GPX3: variants seen among roughly 807,000 people sequenced by gnomAD.
GPX3 encodes the protein glutathione peroxidase 3, also known as GPx-3.
In GPX3, 22 loss-of-function variants were observed where a neutral mutation model predicts 25.1. The ratio of observed to expected loss-of-function variants is 0.88; its 90% CI spans 0.63 to 1.25. The LOEUF is 1.25. Among genes scored for constraint, GPX3 ranks in the 50% most tolerant of loss-of-function variants. GPX3 has a pLI of 0.00. For synonymous variants in GPX3, 110 were observed against 114.5 expected, an observed-to-expected ratio of 0.96 and a Z score of 0.25; for missense variants, 278 against 286.6, an observed-to-expected ratio of 0.97 and a Z score of 0.22.
chr5:151,025,790 G>A (rs1756539026), intron 2 of GPX3, among the ~76,000 whole-genome samples: 2 of 152,184 alleles, frequency 1.3e-5, no homozygotes. Context: ...CCTTTGGCTG[G>A]AGCATGAGAT....
chr5:151,023,683 A>C (rs1009567135), intron 1 of GPX3, among the ~76,000 whole-genome samples: 3 of 152,048 alleles, frequency 2.0e-5, no homozygotes. Context: ...GTGGCGGTCT[A>C]GGGTGTATTT....
At chr5:151,026,325 G>A (rs918194236) in intron 2 of GPX3, 1 of 152,358 alleles carries the variant, frequency 6.6e-6, no homozygotes, top group Non-Finnish European at 1.5e-5. Flanking sequence ...AAGGACGGCG[G>A]TCACGTGGCC....
intron 4 of GPX3, 80 bp from the exon 5 acceptor site, chr5:151,027,829 C>A: frequency 8.4e-7 from 1 of 1,184,236 alleles, no homozygotes; most frequent in Non-Finnish European, 1.3e-6. Flanking sequence ...CAGGGCCAGG[C>A]TATTCCCCAG....
chr5:151,025,051 G>A (rs1756526817), intron 1 of GPX3, among the ~76,000 whole-genome samples: 1 of 152,200 alleles, frequency 6.6e-6, no homozygotes, highest in Non-Finnish European at 1.5e-5. Context: ...GGGTTCCATA[G>A]CACTCACTTA....
At chr5:151,023,293 C>T (rs1194479848) in intron 1 of GPX3, among the ~76,000 whole-genome samples, 2 of 152,168 alleles carry the variant, frequency 1.3e-5, no homozygotes, top group African/African-American at 4.8e-5. Flanking sequence ...CATGGGCCAC[C>T]TTCTGACCCC....
At position 151,026,597 on chromosome 5, in the gene GPX3, T is replaced by C. The variant is rs1756552213; in HGVS notation, c.242-303T>C. The stretch of plus-strand genomic sequence containing the variant: ...CTCCAGAAAACTCAATCCTGAGGGT[T>C]CTGAATGAGTGCTCTAGCTGGCCCA... On this transcript the variant is annotated intron_variant, in intron 2 of 4. Coordinates refer to ENST00000388825, the MANE Select transcript of GPX3 (RefSeq NM_002084.5). 3 of 305,634 alleles carry C rather than the reference T, an allele frequency of 9.8e-6. No homozygotes were observed. The South Asian group carries it at 3.2e-4, about 32-fold the overall frequency. 18.9% of individuals were successfully genotyped at this position (305,634 alleles called of 1,614,324 possible). A position where few individuals can be genotyped will look rare whatever the true frequency, so the allele number is the denominator to read the frequency against.
intron 1 of GPX3, among the ~76,000 whole-genome samples, chr5:151,024,304 T>A (rs533395232): frequency 7.9e-5 from 12 of 152,238 alleles, no homozygotes; most frequent in Non-Finnish European, 1.6e-4. Context: ...TCAAGAATAG[T>A]CTCAGAATTT....
In GPX3 at chr5:151,022,296, C is replaced by A. The variant is rs78214681; in HGVS notation, c.87+1555C>A. ...AGGCTAGTGGGGAGAACGTGGACTCCATGAATAACTCATCATAGCTGTGTC... is the reference window on the plus strand; with the variant it reads ...AGGCTAGTGGGGAGAACGTGGACTCAATGAATAACTCATCATAGCTGTGTC... On this transcript the variant is annotated intron_variant, in intron 1 of 4. Transcript: ENST00000388825. Among the ~76,000 whole-genome samples the A allele has an allele frequency of 1.4e-4, 22 of 152,268 alleles. No individual in the cohort carries two copies. The East Asian group carries it at 4.2e-3, about 29-fold the overall frequency.
In GPX3 at chr5:151,027,863, CA is replaced by C. The variant is rs1581699695; in HGVS notation, c.460-45del. 4 of 1,493,624 alleles carry C rather than the reference CA, an allele frequency of 2.7e-6. No individual in the cohort carries two copies. The East Asian group carries it at 9.0e-5, about 34-fold the overall frequency. 92.5% of individuals were successfully genotyped at this position (1,493,624 alleles called of 1,614,324 possible). On this transcript the variant is annotated intron_variant, in intron 4 of 4. Transcript: ENST00000388825. ...AGGAAGGCCTGGGAAGGAAGAGGGT[CA>C]GGGGGCCTCAAGCAAGGTTGACACT...
intron 3 of GPX3, 31 bp from the exon 4 acceptor site, chr5:151,027,401 T>A: frequency 6.8e-7 from 1 of 1,473,458 alleles, no homozygotes; most frequent in Non-Finnish European, 9.5e-7. Context: ...GCCCACCTCC[T>A]TGGGACCCAC....
chr5:151,026,969 T>G lies in GPX3; in HGVS notation c.311T>G (p.Phe104Cys), dbSNP rs1756559347. 2 of 1,613,906 alleles carry G rather than the reference T, an allele frequency of 1.2e-6. No individual in the cohort carries two copies. Among genetic ancestry groups the G allele is most frequent in the Non-Finnish European group, 1.7e-6 (2 of 1,179,958 alleles). The change falls in exon 3 of 5, where the codon TTT becomes TGT. Residue 104 changes from phenylalanine (F) to cysteine (C), a missense_variant. Phe to Cys is a radical substitution (Grantham distance 205). Transcript: ENST00000388825. ...ATTCTGGGCTTTCCCTGCAACCAAT[T>G]TGGAAAACAGGAACCAGGAGAGAAC... ...LVILGFPCNQ[F>C]GKQEPGENSE...
chr5:151,022,869 C>T (rs572594336), intron 1 of GPX3, among the ~76,000 whole-genome samples: 1 of 152,220 alleles, frequency 6.6e-6, no homozygotes, highest in East Asian at 1.9e-4. Flanking sequence ...TTAAGACAGC[C>T]CTGAACCTGA....
chr5:151,024,420 T>C (rs1343697545), intron 1 of GPX3, among the ~76,000 whole-genome samples: 1 of 152,228 alleles, frequency 6.6e-6, no homozygotes, highest in Admixed American at 6.5e-5. Context: ...CAAGCCATCA[T>C]GGTTGACCTG....
At chr5:151,027,119 C>T (rs1162488301) in intron 3 of GPX3, 102 bp downstream of exon 3, 4 of 783,360 alleles carry the variant, frequency 5.1e-6, no homozygotes, top group Non-Finnish European at 8.7e-6. Context: ...CCAAGAACTA[C>T]TCTCCTCTTC....
Position 151,028,316 on chromosome 5 carries a change from G to C in GPX3, c.*186G>C, listed in dbSNP as rs772744768. ...AGGCATGTGGGTGTGGGTGCATGTG[G>C]GTGTTTACACACATGCCTACAGGTA... On this transcript the variant is annotated 3_prime_UTR_variant, in exon 5 of 5. Coordinates refer to ENST00000388825, the MANE Select transcript of GPX3 (RefSeq NM_002084.5). 1.5e-4 allele frequency: 91 copies of C among 611,430 alleles called. No individual in the cohort carries two copies. Among genetic ancestry groups the C allele is most frequent in the Non-Finnish European group, 2.4e-4 (82 of 341,654 alleles). 37.9% of individuals were successfully genotyped at this position (611,430 alleles called of 1,614,324 possible). A position where few individuals can be genotyped will look rare whatever the true frequency, so the allele number is the denominator to read the frequency against.
chr5:151,025,314 T>C, intron 1 of GPX3, 26 bp from the exon 2 acceptor site: 1 of 1,523,096 alleles, frequency 6.6e-7, no homozygotes, highest in African/African-American at 1.4e-5. Flanking sequence ...CAGCTCTAAC[T>C]GCTCCTTTTA....
chr5:151,022,948 G>A (rs1756498091), intron 1 of GPX3, among the ~76,000 whole-genome samples: 1 of 152,124 alleles, frequency 6.6e-6, no homozygotes. Context: ...ACACAGCAAA[G>A]CCCAGCACTC....
At position 151,027,346 on chromosome 5, in the gene GPX3, A is replaced by G; in HGVS notation, c.360-86A>G. On this transcript the variant is annotated intron_variant, in intron 3 of 4. Coordinates refer to ENST00000388825, the MANE Select transcript of GPX3 (RefSeq NM_002084.5). ...TGCAGAATAAATCCAGACTCCCAAC[A>G]CCCTCTCCCCTGTTCTGTCCCTTCC... 4 of 850,236 alleles carry G rather than the reference A, an allele frequency of 4.7e-6. No individual in the cohort carries two copies. The South Asian group carries it at 6.1e-5, about 13-fold the overall frequency. The allele number at this position is 850,236 out of a possible 1,614,324, so 52.7% of individuals were successfully genotyped here.
chr5:151,022,131 G>A (rs1244718548), intron 1 of GPX3, among the ~76,000 whole-genome samples: 1 of 152,152 alleles, frequency 6.6e-6, no homozygotes, highest in African/African-American at 2.4e-5. Context: ...AACTCAGAAG[G>A]CATTTTCCAG....
Sources: gnomAD v4.1 joint callset for allele counts (sites outside exome capture counted in the v4.1 genomes callset) on GRCh38, gnomAD v4.1.1 for gene constraint, MANE v1.5 for transcripts, NCBI Gene and HGNC (gene_info 2026-07-23, HGNC 2026-07-21) for gene names.